IPO11: variants seen among roughly 807,000 people sequenced by gnomAD.
IPO11 encodes the protein importin 11.
Under a neutral mutation model 143.2 loss-of-function variants are expected in IPO11, and 66 were observed. That is an observed-to-expected ratio of 0.46 (90% CI 0.38 to 0.57). The LOEUF is 0.57. Among genes scored for constraint, IPO11 ranks in the 20% least tolerant of loss-of-function variants. The probability of loss-of-function intolerance (pLI) is 0.00; values close to 1 mark genes in which losing one functional copy is unlikely to be tolerated. For missense variants in IPO11, 1,026 were observed against 1,141.0 expected (o/e 0.90, Z 1.45); for synonymous variants, 385 against 377.8 (o/e 1.02, Z -0.22).
At chr5:62,584,235 C>T (rs936709661) in intron 27 of IPO11, among the ~76,000 whole-genome samples, 3 of 151,922 alleles carry the variant, frequency 2.0e-5, no homozygotes, top group African/African-American at 4.8e-5. Flanking sequence ...GGAGTAGATA[C>T]GTTTGGTGTC....
chr5:62,534,301 A>G (rs1742664519), intron 22 of IPO11, among the ~76,000 whole-genome samples: 1 of 152,198 alleles, frequency 6.6e-6, no homozygotes, highest in Non-Finnish European at 1.5e-5. Flanking sequence ...TTGCAAATGC[A>G]ACACTAATGT....
chr5:62,561,057 G>A, intron 26 of IPO11, 79 bp from the exon 27 acceptor site: 2 of 1,276,416 alleles, frequency 1.6e-6, no homozygotes, highest in South Asian at 1.6e-5. Context: ...TGACTTATGA[G>A]GCTTTAGCCT....
intron 27 of IPO11, among the ~76,000 whole-genome samples, chr5:62,571,152 TTTTG>T (rs1303822140): frequency 6.6e-6 from 1 of 152,224 alleles, no homozygotes; most frequent in Non-Finnish European, 1.5e-5. Flanking sequence ...GGAACATCTT[TTTTG>T]TTTATTTTAT....
At chr5:62,467,845 TTTC>T (rs1412059147) in intron 6 of IPO11, among the ~76,000 whole-genome samples, 1 of 152,206 alleles carries the variant, frequency 6.6e-6, no homozygotes, top group Admixed American at 6.5e-5. Context: ...CTAGGTTCCT[TTTC>T]TTCTAAAATA....
At chr5:62,429,296 C>T (rs186710492) in intron 1 of IPO11, among the ~76,000 whole-genome samples, 134 of 152,230 alleles carry the variant, frequency 8.8e-4, no homozygotes, top group African/African-American at 3.1e-3. Flanking sequence ...GCTTCTTCTG[C>T]TTAGTGTGAT....
intron 24 of IPO11, among the ~76,000 whole-genome samples, chr5:62,547,444 T>G (rs1743242371): frequency 6.6e-6 from 1 of 152,110 alleles, no homozygotes; most frequent in Non-Finnish European, 1.5e-5. Flanking sequence ...AGTGAAAGAC[T>G]TTTTCACCTT....
At chr5:62,577,177 G>C (rs953505669) in intron 27 of IPO11, among the ~76,000 whole-genome samples, 1 of 152,078 alleles carries the variant, frequency 6.6e-6, no homozygotes, top group Non-Finnish European at 1.5e-5. Flanking sequence ...GCTGGAGATA[G>C]GAATTTTTTT....
In IPO11 at chr5:62,494,055, A is replaced by G. The variant is rs368058366; in HGVS notation, c.1521A>G (p.Lys507=). ...TCATCGGTCAGTGGATTTCTGTGAAATTCAAGTCTGACTTAAGACCCATGC... is the reference window on the plus strand; with the variant it reads ...TCATCGGTCAGTGGATTTCTGTGAAGTTCAAGTCTGACTTAAGACCCATGC... ...IWLIGQWISV[K]FKSDLRPMLY... Residue 507 remains lysine (K), a synonymous_variant, in exon 16 of 30, where the codon AAA becomes AAG. Coordinates refer to ENST00000325324, the MANE Select transcript of IPO11 (RefSeq NM_016338.5). 8 of 1,613,646 alleles carry G rather than the reference A, an allele frequency of 5.0e-6. No homozygotes were observed. In the African/African-American group the frequency reaches 1.1e-4, roughly 22 times the overall value.
intron 27 of IPO11, among the ~76,000 whole-genome samples, chr5:62,577,904 A>C (rs1171005232): frequency 6.6e-6 from 1 of 152,132 alleles, no homozygotes; most frequent in Non-Finnish European, 1.5e-5. Flanking sequence ...ATATTAATAA[A>C]AGTCAGAATT....
At chr5:62,518,575 C>T (rs1742103294) in intron 20 of IPO11, among the ~76,000 whole-genome samples, 2 of 152,104 alleles carry the variant, frequency 1.3e-5, no homozygotes, top group Non-Finnish European at 2.9e-5. Context: ...GATCACACCC[C>T]TGCACTCTAG....
At chr5:62,429,778 C>T (rs1288431663) in intron 1 of IPO11, among the ~76,000 whole-genome samples, 2 of 151,938 alleles carry the variant, frequency 1.3e-5, no homozygotes, top group Non-Finnish European at 2.9e-5. Flanking sequence ...CATGTGCCAC[C>T]ACACCCAGCT....
chr5:62,441,496 C>CTTTTTTTTTTT (rs995019567), intron 2 of IPO11, among the ~76,000 whole-genome samples: 4 of 47,378 alleles, frequency 8.4e-5, no homozygotes, highest in Non-Finnish European at 1.4e-4. Flanking sequence ...TGTGCCTGGC[C>CTTTTTTTTTTT]TTTTTTTTTT....
At chr5:62,581,043 C>A in intron 27 of IPO11, 6 of 1,550,740 alleles carry the variant, frequency 3.9e-6, no homozygotes, top group Non-Finnish European at 4.4e-6. Flanking sequence ...TAGCTTTTTT[C>A]ATCTTAGCTT....
intron 21 of IPO11, among the ~76,000 whole-genome samples, chr5:62,527,009 G>A (rs1008431668): frequency 6.9e-6 from 1 of 144,552 alleles, no homozygotes; most frequent in East Asian, 2.3e-4. Flanking sequence ...TTTGTTAGAT[G>A]TCTAGAATTT....
At chr5:62,583,433 T>C (rs1046555969) in intron 27 of IPO11, among the ~76,000 whole-genome samples, 3 of 152,142 alleles carry the variant, frequency 2.0e-5, no homozygotes, top group African/African-American at 7.2e-5. Context: ...AAAAAGGCAG[T>C]TCAGAAAATC....
intron 27 of IPO11, among the ~76,000 whole-genome samples, chr5:62,563,469 A>G (rs1485633341): frequency 6.6e-6 from 1 of 152,196 alleles, no homozygotes; most frequent in Non-Finnish European, 1.5e-5. Flanking sequence ...GCTTCAACAT[A>G]TAATATTATG....
intron 27 of IPO11, chr5:62,581,075 T>C: frequency 6.5e-7 from 1 of 1,548,758 alleles, no homozygotes; most frequent in African/African-American, 1.4e-5. Flanking sequence ...ATTTTTTTGA[T>C]CTACAAAGTT....
chr5:62,600,558 A>G (rs1745469696), intron 28 of IPO11, among the ~76,000 whole-genome samples: 1 of 152,196 alleles, frequency 6.6e-6, no homozygotes, highest in South Asian at 2.1e-4. Flanking sequence ...CAGTTCTAAA[A>G]TACAAACTGG....
chr5:62,547,886 A>G (rs1743259165), intron 24 of IPO11, among the ~76,000 whole-genome samples: 1 of 152,092 alleles, frequency 6.6e-6, no homozygotes, highest in Non-Finnish European at 1.5e-5. Flanking sequence ...AGAGTCAACT[A>G]GATAGATATA....
Sources: allele counts gnomAD v4.1 joint callset (sites outside exome capture counted in the v4.1 genomes callset), GRCh38; gene constraint gnomAD v4.1.1; transcripts MANE v1.5; gene names NCBI Gene and HGNC (gene_info 2026-07-23, HGNC 2026-07-21).